PCDH15: variants seen among roughly 807,000 people sequenced by gnomAD.
The protein encoded by PCDH15 is protocadherin related 15, also known as protocadherin-15.
In PCDH15, 129 loss-of-function variants were observed where a neutral mutation model predicts 178.5. That is an observed-to-expected ratio of 0.72 (90% CI 0.63 to 0.84). PCDH15 has a LOEUF of 0.84. Among genes scored for constraint, PCDH15 ranks in the 40% least tolerant of loss-of-function variants. The pLI is 0.00. For missense variants in PCDH15, 2,230 were observed against 2,099.9 expected, an observed-to-expected ratio of 1.06 and a Z score of -1.21; for synonymous variants, 800 against 732.0, an observed-to-expected ratio of 1.09 and a Z score of -1.50.
chr10:54,526,294 A>G (rs1162308392), intron 3 of PCDH15, among the ~76,000 whole-genome samples: 2 of 152,210 alleles, frequency 1.3e-5, no homozygotes, highest in African/African-American at 4.8e-5. Flanking sequence ...TAGGAAAACT[A>G]AATGTTTTAT....
rs180782976 is a variant in PCDH15 at position 53,909,582 on chromosome 10, C to A, written c.3374-6212G>T. Among the ~76,000 whole-genome samples the A allele has an allele frequency of 7.1e-3, 1,074 of 152,276 alleles. 10 individuals carry two copies. The highest frequency in any genetic ancestry group is 0.024 in the African/African-American group (1,016 of 41,542). On this transcript the variant is annotated intron_variant, in intron 25 of 37. Coordinates refer to ENST00000644397, the MANE Select transcript of PCDH15 (RefSeq NM_001384140.1). Reference sequence around the variant, plus strand: ...AACAGCTCCAGTCTGCAGCTCCCAGCGTGCTTGGCGCAGAAGACGGGTGAT... The same window carrying A: ...AACAGCTCCAGTCTGCAGCTCCCAGAGTGCTTGGCGCAGAAGACGGGTGAT...
At chr10:54,602,641 T>C (rs1178491442) in intron 2 of PCDH15, among the ~76,000 whole-genome samples, 3 of 152,168 alleles carry the variant, frequency 2.0e-5, no homozygotes, top group African/African-American at 7.2e-5. Flanking sequence ...AGGTTTTCTC[T>C]ACACCTATTG....
At chr10:54,419,279 C>T (rs1954901381) in intron 3 of PCDH15, among the ~76,000 whole-genome samples, 1 of 150,988 alleles carries the variant, frequency 6.6e-6, no homozygotes, top group Non-Finnish European at 1.5e-5. Flanking sequence ...TATATATCAA[C>T]AACTCAAATC....
intron 3 of PCDH15, among the ~76,000 whole-genome samples, chr10:54,401,423 C>A (rs117309402): frequency 1.3e-5 from 2 of 151,766 alleles, no homozygotes; most frequent in Non-Finnish European, 2.9e-5. Flanking sequence ...AACTGTAAAT[C>A]TATAAATGCT....
intron 5 of PCDH15, among the ~76,000 whole-genome samples, chr10:54,367,509 T>C (rs1169011418): frequency 6.6e-6 from 1 of 151,870 alleles, no homozygotes; most frequent in African/African-American, 2.4e-5. Context: ...GGGCAGTTAG[T>C]GACATGGATG....
intron 2 of PCDH15, among the ~76,000 whole-genome samples, chr10:55,037,810 G>A (rs897755020): frequency 2.0e-5 from 3 of 152,084 alleles, no homozygotes; most frequent in Admixed American, 2.0e-4. Flanking sequence ...TTAGCATTAA[G>A]GTAATTATCT....
At chr10:54,827,141 C>T (rs138683598) in intron 3 of PCDH15, among the ~76,000 whole-genome samples, 1 of 152,164 alleles carries the variant, frequency 6.6e-6, no homozygotes, top group African/African-American at 2.4e-5. Context: ...AGCCAGTTCA[C>T]CTCTGGATGA....
At chr10:55,489,640 G>C (rs1274627161) in intron 2 of PCDH15, among the ~76,000 whole-genome samples, 1 of 151,578 alleles carries the variant, frequency 6.6e-6, no homozygotes, top group African/African-American at 2.4e-5. Context: ...TTAACATCGA[G>C]TATTGCTGTA....
At chr10:54,287,308 G>C (rs542365017) in intron 8 of PCDH15, among the ~76,000 whole-genome samples, 2 of 152,164 alleles carry the variant, frequency 1.3e-5, no homozygotes, top group South Asian at 4.2e-4. Context: ...CATTAATCTT[G>C]GGCTTTTATG....
chr10:53,811,425 A>G, intron 36 of PCDH15, 124 bp downstream of exon 36: 4 of 527,802 alleles, frequency 7.6e-6, no homozygotes, highest in South Asian at 4.0e-5. Flanking sequence ...TTCATTTTCA[A>G]GTATTATACT....
intron 23 of PCDH15, among the ~76,000 whole-genome samples, chr10:53,947,504 T>C (rs2086670308): frequency 6.6e-6 from 1 of 152,066 alleles, no homozygotes; most frequent in African/African-American, 2.4e-5. Context: ...ATTAAGATAC[T>C]GTTTTTCTAC....
chr10:55,337,693 T>C (rs746367309), intron 2 of PCDH15, among the ~76,000 whole-genome samples: 1 of 152,164 alleles, frequency 6.6e-6, no homozygotes, highest in East Asian at 1.9e-4. Flanking sequence ...AATAATATAT[T>C]AGAAAGCTCT....
At chr10:54,114,486 T>C (rs969070560) in intron 15 of PCDH15, among the ~76,000 whole-genome samples, 8 of 152,140 alleles carry the variant, frequency 5.3e-5, no homozygotes, top group African/African-American at 1.9e-4. Flanking sequence ...TTACATAGTA[T>C]ATTCCAGGCA....
At chr10:55,020,999 CA>C (rs1386244300) in intron 2 of PCDH15, among the ~76,000 whole-genome samples, 1 of 152,142 alleles carries the variant, frequency 6.6e-6, no homozygotes, top group Admixed American at 6.5e-5. Context: ...CTCTTACATG[CA>C]AAATGTTTAT....
chr10:55,473,491 C>T (rs1840005587), intron 2 of PCDH15, among the ~76,000 whole-genome samples: 2 of 152,106 alleles, frequency 1.3e-5, no homozygotes, highest in Admixed American at 1.3e-4. Context: ...ACCATTAAAA[C>T]AACTACATGG....
At chr10:54,939,223 G>T (rs776559421) in intron 2 of PCDH15, among the ~76,000 whole-genome samples, 7 of 151,824 alleles carry the variant, frequency 4.6e-5, no homozygotes, top group Non-Finnish European at 8.8e-5. Context: ...GGCCGGGCGT[G>T]GTGGCTCACG....
chr10:54,876,872 G>A (rs1954154321), intron 3 of PCDH15, among the ~76,000 whole-genome samples: 1 of 152,176 alleles, frequency 6.6e-6, no homozygotes. Context: ...TAAAGCAATA[G>A]CAGAGTTTGA....
chr10:53,941,259 C>T (rs1293105730), intron 23 of PCDH15, among the ~76,000 whole-genome samples: 3 of 152,078 alleles, frequency 2.0e-5, no homozygotes, highest in Non-Finnish European at 4.4e-5. Context: ...TGGCATGTAT[C>T]CGCTTTCATG....
At chr10:54,836,538 GA>G (rs1953319711) in intron 3 of PCDH15, among the ~76,000 whole-genome samples, 1 of 151,962 alleles carries the variant, frequency 6.6e-6, no homozygotes, top group Admixed American at 6.6e-5. Flanking sequence ...TTCAAACCTT[GA>G]AAATGGTGTG....
Sources: gnomAD v4.1 joint callset for allele counts (sites outside exome capture counted in the v4.1 genomes callset) on GRCh38, gnomAD v4.1.1 for gene constraint, MANE v1.5 for transcripts, NCBI Gene and HGNC (gene_info 2026-07-23, HGNC 2026-07-21) for gene names.